Variants in KDM2B observed in about 807,000 individuals in gnomAD.
KDM2B encodes lysine-specific demethylase 2B.
KDM2B carries 26 observed loss-of-function variants against 150.0 expected under a neutral mutation model. That is an observed-to-expected ratio of 0.17 (90% CI 0.13 to 0.24). The LOEUF is 0.24. Ranked by LOEUF, KDM2B falls within the 10% of genes least tolerant of loss-of-function variation. KDM2B has a pLI of 1.00. For synonymous variants in KDM2B, 734 were observed against 729.5 expected (o/e 1.01, Z -0.10); for missense variants, 1,265 against 1,816.9 (o/e 0.70, Z 5.52).
chr12:121,501,697 TGCAACCTCC>T (rs146252619), intron 11 of KDM2B, among the ~76,000 whole-genome samples: 2,399 of 152,268 alleles, frequency 0.016, 62 homozygotes, highest in African/African-American at 0.055. Flanking sequence ...CTCAGCTCAC[TGCAACCTCC>T]GCCTCCTGGG....
At chr12:121,574,639 C>T (rs782012247) in intron 3 of KDM2B, 46 bp from the exon 4 acceptor site, 6 of 1,573,360 alleles carry the variant, frequency 3.8e-6, no homozygotes, top group Non-Finnish European at 5.2e-6. Flanking sequence ...CCAGAAACAA[C>T]AGAGCTAGAC....
chr12:121,549,683 C>A lies in KDM2B; in HGVS notation c.398-45G>T. ...ACTGGTTGTTCCTGCCGGCTTAAGG[C>A]TCCAGATCCTACATGGGAGCCCCTC... On this transcript the variant is annotated intron_variant, in intron 4 of 22. Coordinates refer to ENST00000377071, the MANE Select transcript of KDM2B (RefSeq NM_032590.5). The surrounding 1 kb of genome is among the most constrained non-coding windows in gnomAD (Gnocchi z 4.4). 6.6e-7 allele frequency: 1 copy of A among 1,507,954 alleles called. No individual in the cohort carries two copies. Among genetic ancestry groups the A allele is most frequent in the Non-Finnish European group, 8.9e-7 (1 of 1,117,660 alleles). The allele number at this position is 1,507,954 out of a possible 1,614,324, so 93.4% of individuals were successfully genotyped here.
At chr12:121,437,922 A>C (rs1555287190) in intron 22 of KDM2B, among the ~76,000 whole-genome samples, 1 of 151,182 alleles carries the variant, frequency 6.6e-6, no homozygotes. Flanking sequence ...AGAAGAGTTT[A>C]GGTATAGAGA....
In KDM2B at chr12:121,430,113, G is replaced by T. The variant is rs376930255; in HGVS notation, c.*175C>A. The T allele has an allele frequency of 2.7e-5, 43 of 1,610,714 alleles. No individual in the cohort carries two copies. The highest frequency in any genetic ancestry group is 3.4e-5 in the Non-Finnish European group (40 of 1,177,020). On this transcript the variant is annotated 3_prime_UTR_variant, in exon 23 of 23. Transcript: ENST00000377071. The surrounding 1 kb of genome is among the most constrained non-coding windows in gnomAD (Gnocchi z 4.4). ...TTCAGAAAGACCAAAGGAAAGTGTCGGCTCACTCATCCCCCAAACGGGTGG... is the reference window on the plus strand; with the variant it reads ...TTCAGAAAGACCAAAGGAAAGTGTCTGCTCACTCATCCCCCAAACGGGTGG...
At chr12:121,427,851 C>G (rs2137292552), downstream of KDM2B, among the ~76,000 whole-genome samples, 2 of 152,314 alleles carry the variant, frequency 1.3e-5, no homozygotes, top group Middle Eastern at 6.8e-3. Context: ...TCTGTCTTGG[C>G]TACTAATGAG....
chr12:121,492,648 C>T (rs1883479883), intron 12 of KDM2B, among the ~76,000 whole-genome samples: 1 of 150,530 alleles, frequency 6.6e-6, no homozygotes, highest in African/African-American at 2.4e-5. Flanking sequence ...CCCAACATGG[C>T]AAAACTCTGT....
At chr12:121,573,332 G>A (rs1324748883) in intron 4 of KDM2B, among the ~76,000 whole-genome samples, 1 of 151,212 alleles carries the variant, frequency 6.6e-6, no homozygotes, top group East Asian at 1.9e-4. Flanking sequence ...ACCTAGGCTG[G>A]AGTGCAGTGG....
intron 12 of KDM2B, among the ~76,000 whole-genome samples, chr12:121,489,227 G>C (rs1388906688): frequency 6.6e-6 from 1 of 152,114 alleles, no homozygotes; most frequent in Non-Finnish European, 1.5e-5. Flanking sequence ...TTACAGGTGT[G>C]AGCCACTGCG....
chr12:121,509,888 G>A lies in KDM2B; in HGVS notation c.1326C>T (p.Gly442=), dbSNP rs201154323. The change falls in exon 11 of 23, where the codon GGC becomes GGT. Residue 442 remains glycine (G), a synonymous_variant. Transcript: ENST00000377071. The part of the protein sequence containing the change: ...RDRAPKPPTD[G]STSPTSTPSE... ...AGGGCGTGCTGGTGGGTGAAGTGGA[G>A]CCATCGGTGGGCGGTTTGGGTGCCC... 2.0e-4 allele frequency: 321 copies of A among 1,613,678 alleles called. 2 individuals carry two copies. The African/African-American group carries it at 3.7e-3, about 19-fold the overall frequency.
chr12:121,430,038 T>C lies in KDM2B; in HGVS notation c.*250A>G. On this transcript the variant is annotated 3_prime_UTR_variant, in exon 23 of 23. Coordinates refer to ENST00000377071, the MANE Select transcript of KDM2B (RefSeq NM_032590.5). This position sits in a 1 kb window ranked among gnomAD's most constrained non-coding sequence, Gnocchi z 4.4. ...CACCCTCCTCTCCGACAGGAATGTCTTCTTGTAAAGGCCGCCTTAGAAATG... is the reference window on the plus strand; with the variant it reads ...CACCCTCCTCTCCGACAGGAATGTCCTCTTGTAAAGGCCGCCTTAGAAATG... The C allele has an allele frequency of 7.9e-7, 1 of 1,261,072 alleles. No homozygotes were observed. Among genetic ancestry groups the C allele is most frequent in the Non-Finnish European group, 1.2e-6 (1 of 858,076 alleles). 78.1% of individuals were successfully genotyped at this position (1,261,072 alleles called of 1,614,324 possible). A position where few individuals can be genotyped will look rare whatever the true frequency, so the allele number is the denominator to read the frequency against.
chr12:121,418,679 CTG>C, the KDM2B span: 12 of 152,208 alleles, frequency 7.9e-5, no homozygotes, highest in African/African-American at 2.9e-4. Context: ...ATGATTGCAA[CTG>C]TGAATAGCCA....
At position 121,513,391 on chromosome 12, in the gene KDM2B, T is replaced by C. The variant is rs1555304347; in HGVS notation, c.1059A>G (p.Lys353=). 2 of 1,610,754 alleles carry C rather than the reference T, an allele frequency of 1.2e-6. 1 individual carries two copies. Among genetic ancestry groups the C allele is most frequent in the South Asian group, 2.2e-5 (2 of 91,032 alleles). Residue 353 remains lysine, a synonymous_variant, in exon 10 of 23, where the codon AAA becomes AAG. Transcript: ENST00000377071. The surrounding 1 kb of genome is among the most constrained non-coding windows in gnomAD (Gnocchi z 5.0). ...TCTCATAGTAGAAGGGGTAACGGAATTTGGGCTGCACCTGAAAGCAAAGAC... is the reference window on the plus strand; with the variant it reads ...TCTCATAGTAGAAGGGGTAACGGAACTTGGGCTGCACCTGAAAGCAAAGAC... The part of the protein sequence containing the change: ...EIEDRTRVQP[K]FRYPFYYEMC...
At chr12:121,496,734 C>A (rs1883987285) in intron 11 of KDM2B, among the ~76,000 whole-genome samples, 1 of 152,154 alleles carries the variant, frequency 6.6e-6, no homozygotes, top group Non-Finnish European at 1.5e-5. Flanking sequence ...TCAAGCAAAA[C>A]ACCTGCCTCA....
In KDM2B at chr12:121,533,535, A is replaced by G. The variant is rs782291796; in HGVS notation, c.778-576T>C. On this transcript the variant is annotated intron_variant, in intron 7 of 22. Coordinates refer to ENST00000377071, the MANE Select transcript of KDM2B (RefSeq NM_032590.5). The surrounding 1 kb of genome is among the most constrained non-coding windows in gnomAD (Gnocchi z 4.1). ...GTGGACACGCAACAAAAGCAGACAC[A>G]GGGAGCACCCTTAGCATTCTGTCCC... 4.6e-5 allele frequency among the ~76,000 whole-genome samples: 7 copies of G among 152,192 alleles called. No individual in the cohort carries two copies. The highest frequency in any genetic ancestry group is 1.0e-4 in the Non-Finnish European group (7 of 68,036).
At chr12:121,548,719 C>A (rs1401222599) in intron 6 of KDM2B, among the ~76,000 whole-genome samples, 158 bp downstream of exon 6, 1 of 152,208 alleles carries the variant, frequency 6.6e-6, no homozygotes. Context: ...CCTCCTGTCC[C>A]AGCTGTGCCC....
At chr12:121,469,328 C>G (rs944154116) in intron 12 of KDM2B, 1 of 140,494 alleles carries the variant, frequency 7.1e-6, no homozygotes, top group Admixed American at 7.1e-5. Context: ...TAAAAGCTAC[C>G]TTGATGGCTG....
Position 121,513,399 on chromosome 12 carries a change from G to C in KDM2B, c.1051C>G (p.Gln351Glu). 31 of 1,610,008 alleles carry C rather than the reference G, an allele frequency of 1.9e-5. No individual in the cohort carries two copies. Among genetic ancestry groups the C allele is most frequent in the Non-Finnish European group, 2.6e-5 (31 of 1,176,816 alleles). ...IYEIEDRTRVQPKFRYPFYYE... is the reference protein window; with the variant it reads ...IYEIEDRTRVEPKFRYPFYYE... Reference sequence around the variant, plus strand: ...TAGAAGGGGTAACGGAATTTGGGCTGCACCTGAAAGCAAAGACGCAGGCAG... The same window carrying C: ...TAGAAGGGGTAACGGAATTTGGGCTCCACCTGAAAGCAAAGACGCAGGCAG... The change falls in exon 10 of 23, where the codon CAG (glutamine) becomes GAG (glutamate). Residue 351 changes from glutamine to glutamate, a missense_variant. Gln to Glu is a conservative substitution (Grantham distance 29). Transcript: ENST00000377071. The surrounding 1 kb of genome is among the most constrained non-coding windows in gnomAD (Gnocchi z 5.0).
In KDM2B at chr12:121,549,136, C is replaced by G. The variant is rs1889291760; in HGVS notation, c.577-153G>C. On this transcript the variant is annotated intron_variant, in intron 5 of 22. Transcript: ENST00000377071. The surrounding 1 kb of genome is among the most constrained non-coding windows in gnomAD (Gnocchi z 4.4). Reference sequence around the variant, plus strand: ...TGGGAGGAAGGAAGGGCAGGGATGACAGGACCCACACTTTGTAGAAGGGAA... The same window carrying G: ...TGGGAGGAAGGAAGGGCAGGGATGAGAGGACCCACACTTTGTAGAAGGGAA... Among the ~76,000 whole-genome samples, 1 of 152,176 alleles carries G rather than the reference C, an allele frequency of 6.6e-6. No individual in the cohort carries two copies. Among genetic ancestry groups the G allele is most frequent in the Admixed American group, 6.5e-5 (1 of 15,270 alleles).
rs782126506 is a variant in KDM2B, at chr12:121,509,894, G to A, written c.1320C>T (p.Thr440=). The A allele has an allele frequency of 9.3e-6, 15 of 1,613,572 alleles. No homozygotes were observed. The highest frequency in any genetic ancestry group is 8.9e-5 in the East Asian group (4 of 44,872). Reference sequence around the variant, plus strand: ...TGCTGGTGGGTGAAGTGGAGCCATCGGTGGGCGGTTTGGGTGCCCTGTCCC... The same window carrying A: ...TGCTGGTGGGTGAAGTGGAGCCATCAGTGGGCGGTTTGGGTGCCCTGTCCC... ...EGRDRAPKPP[T]DGSTSPTSTP... Residue 440 remains threonine, a synonymous_variant, in exon 11 of 23, where the codon ACC becomes ACT. Coordinates refer to ENST00000377071, the MANE Select transcript of KDM2B (RefSeq NM_032590.5).
Sources: allele counts gnomAD v4.1 joint callset (sites outside exome capture counted in the v4.1 genomes callset), GRCh38; gene constraint gnomAD v4.1.1; non-coding constraint Gnocchi (gnomAD v3.1); transcripts MANE v1.5; gene names NCBI Gene and HGNC (gene_info 2026-07-23, HGNC 2026-07-21).